RBFOX3: variants seen among roughly 807,000 people sequenced by gnomAD.
RBFOX3 encodes the protein RNA binding fox-1 homolog 3.
Under a neutral mutation model 48.7 loss-of-function variants are expected in RBFOX3, and 17 were observed. The ratio of observed to expected loss-of-function variants is 0.35; its 90% CI spans 0.24 to 0.52. RBFOX3 has a LOEUF of 0.52. RBFOX3 is among the 20% of genes least tolerant of loss of function. The pLI, the probability that RBFOX3 is intolerant of heterozygous loss-of-function variation, is 0.94. For missense variants in RBFOX3, 382 were observed against 497.5 expected (o/e 0.77, Z 2.21); for synonymous variants, 212 against 209.5 (o/e 1.01, Z -0.10).
chr17:79,313,174 C>A (rs1423502343), intron 2 of RBFOX3, among the ~76,000 whole-genome samples: 2 of 152,194 alleles, frequency 1.3e-5, no homozygotes, highest in African/African-American at 4.8e-5. Context: ...TTAATAGCTG[C>A]CCCCCTTGCT....
chr17:79,421,907 G>T lies in RBFOX3; in HGVS notation c.-175+60547C>A, dbSNP rs150067740. On this transcript the variant is annotated intron_variant, in intron 2 of 14. Coordinates refer to ENST00000693108, the MANE Select transcript of RBFOX3 (RefSeq NM_001350451.2). The surrounding 1 kb of genome is among the most constrained non-coding windows in gnomAD (Gnocchi z 4.5). ...ACCCACGCCCCACCCCAAGCTGCCC[G>T]GTCCTCAGCAACTGGCCCCATGTTC... 6.6e-6 allele frequency among the ~76,000 whole-genome samples: 1 copy of T among 152,094 alleles called. No homozygotes were observed. The highest frequency in any genetic ancestry group is 2.4e-5 in the African/African-American group (1 of 41,422).
At chr17:79,446,751 G>A (rs1439500926) in intron 2 of RBFOX3, among the ~76,000 whole-genome samples, 1 of 152,144 alleles carries the variant, frequency 6.6e-6, no homozygotes, top group Non-Finnish European at 1.5e-5. Context: ...CTCAGCACAC[G>A]GCCTATGGGG....
intron 4 of RBFOX3, among the ~76,000 whole-genome samples, chr17:79,192,794 C>T (rs2054785568): frequency 6.6e-6 from 1 of 152,196 alleles, no homozygotes; most frequent in Non-Finnish European, 1.5e-5. Flanking sequence ...CAGGGGTGGC[C>T]AGCGGCTAGC....
upstream of RBFOX3, among the ~76,000 whole-genome samples, chr17:79,611,129 CT>C (rs1274442617): frequency 0.64 from 26,031 of 40,420 alleles, 9,780 homozygotes; most frequent in Non-Finnish European, 0.82. Flanking sequence ...CTCCGCCCTC[CT>C]TCTCTCTCTC....
intron 2 of RBFOX3, among the ~76,000 whole-genome samples, chr17:79,463,616 G>A (rs1393243948): frequency 6.4e-4 from 77 of 119,874 alleles, no homozygotes; most frequent in African/African-American, 2.4e-3. Context: ...CACCTCCACC[G>A]CCATCGCCAC....
intron 4 of RBFOX3, among the ~76,000 whole-genome samples, chr17:79,188,920 G>T (rs990363508): frequency 2.0e-5 from 3 of 152,246 alleles, no homozygotes; most frequent in Admixed American, 1.3e-4. Context: ...GACAGCCTAG[G>T]CTGAGCAGAG....
chr17:79,196,208 C>T (rs1311332213), intron 4 of RBFOX3, among the ~76,000 whole-genome samples: 2 of 152,136 alleles, frequency 1.3e-5, no homozygotes, highest in African/African-American at 2.4e-5. Flanking sequence ...GAGCTTGGAT[C>T]ATCTTGAGCT....
chr17:79,395,878 GACCCTC>G (rs967322932), intron 2 of RBFOX3, among the ~76,000 whole-genome samples: 3 of 152,244 alleles, frequency 2.0e-5, no homozygotes, highest in Non-Finnish European at 4.4e-5. Context: ...AGAAGGGGTA[GACCCTC>G]ACCTGCCAGC....
chr17:79,177,812 G>C (rs1006023577), intron 4 of RBFOX3, among the ~76,000 whole-genome samples: 5 of 152,160 alleles, frequency 3.3e-5, no homozygotes, highest in African/African-American at 9.7e-5. Context: ...CTCTTTAAGG[G>C]ACCTGAAAAA....
At chr17:79,256,151 C>T (rs554870874) in intron 3 of RBFOX3, among the ~76,000 whole-genome samples, 4 of 152,100 alleles carry the variant, frequency 2.6e-5, no homozygotes, top group East Asian at 3.9e-4. Flanking sequence ...TGTGCACCCC[C>T]GCCTTGCTCA....
At chr17:79,521,007 G>T (rs1252385244) in intron 1 of RBFOX3, among the ~76,000 whole-genome samples, 1 of 152,242 alleles carries the variant, frequency 6.6e-6, no homozygotes, top group African/African-American at 2.4e-5. Context: ...GGGAGCACAC[G>T]GGTGAAGCCA....
intron 2 of RBFOX3, among the ~76,000 whole-genome samples, chr17:79,457,300 A>G (rs1237959362): frequency 6.6e-6 from 1 of 152,236 alleles, no homozygotes; most frequent in Non-Finnish European, 1.5e-5. Flanking sequence ...CACAGGACAC[A>G]GGCTGGAATC....
chr17:79,615,063 GAAA>G (rs1207749475), upstream of RBFOX3, among the ~76,000 whole-genome samples: 1 of 143,350 alleles, frequency 7.0e-6, no homozygotes, highest in South Asian at 2.2e-4. Context: ...AATCACTGAA[GAAA>G]AAAAAAAAAT....
intron 2 of RBFOX3, among the ~76,000 whole-genome samples, chr17:79,365,479 A>AT: frequency 6.6e-6 from 1 of 152,400 alleles, no homozygotes; most frequent in South Asian, 2.1e-4. Flanking sequence ...AGTACATTTA[A>AT]TTCATACTTA....
intron 4 of RBFOX3, among the ~76,000 whole-genome samples, chr17:79,228,587 A>G (rs1361461953): frequency 6.6e-6 from 1 of 152,210 alleles, no homozygotes; most frequent in Non-Finnish European, 1.5e-5. Context: ...GGGAGGCACC[A>G]GGGACCCTCT....
chr17:79,360,109 A>T lies in RBFOX3; in HGVS notation c.-174-52285T>A, dbSNP rs1243539358. Among the ~76,000 whole-genome samples the T allele has an allele frequency of 3.3e-5, 5 of 150,458 alleles. No homozygotes were observed. The East Asian group carries it at 7.8e-4, about 24-fold the overall frequency. ...TGGGTGTTTGCCTTTTCTCTTTCCG[A>T]CCTCCATGCACCTTAACTTCATGAA... On this transcript the variant is annotated intron_variant, in intron 2 of 14. Coordinates refer to ENST00000693108, the MANE Select transcript of RBFOX3 (RefSeq NM_001350451.2).
chr17:79,510,685 A>G (rs1236972846), intron 1 of RBFOX3, among the ~76,000 whole-genome samples: 1 of 152,194 alleles, frequency 6.6e-6, no homozygotes, highest in Admixed American at 6.5e-5. Flanking sequence ...CATCTTAAAC[A>G]GGGCCCAGCG....
At chr17:79,168,850 C>G (rs1480137652) in intron 4 of RBFOX3, among the ~76,000 whole-genome samples, 3 of 152,040 alleles carry the variant, frequency 2.0e-5, no homozygotes, top group East Asian at 3.9e-4. Flanking sequence ...TGCGCCCTCG[C>G]CTGGCCCTGG....
chr17:79,373,158 A>G (rs926186260), intron 2 of RBFOX3, among the ~76,000 whole-genome samples: 14 of 152,118 alleles, frequency 9.2e-5, no homozygotes, highest in Admixed American at 2.6e-4. Context: ...TCCATGTGTT[A>G]CAAATGCACC....
Sources: allele counts gnomAD v4.1 joint callset (sites outside exome capture counted in the v4.1 genomes callset), GRCh38; gene constraint gnomAD v4.1.1; non-coding constraint Gnocchi (gnomAD v3.1); transcripts MANE v1.5; gene names NCBI Gene and HGNC (gene_info 2026-07-23, HGNC 2026-07-21).